DNAH2: variants seen among roughly 807,000 people sequenced by gnomAD.
DNAH2 encodes the protein axonemal beta dynein heavy chain 2.
In DNAH2, 323 loss-of-function variants were observed where a neutral mutation model predicts 523.5. The ratio of observed to expected loss-of-function variants is 0.62; its 90% CI spans 0.56 to 0.68. The LOEUF (loss-of-function observed/expected upper bound fraction) is 0.68, where lower values mean the gene tolerates loss of function less well. Among genes scored for constraint, DNAH2 ranks in the 30% least tolerant of loss-of-function variants. The pLI is 0.00. For synonymous variants in DNAH2, 2,093 were observed against 2,177.4 expected (o/e 0.96, Z 1.08); for missense variants, 4,907 against 5,701.5 (o/e 0.86, Z 4.49).
At chr17:7,746,124 G>A (rs1212891564) in intron 12 of DNAH2, among the ~76,000 whole-genome samples, 1 of 152,184 alleles carries the variant, frequency 6.6e-6, no homozygotes, top group East Asian at 1.9e-4. Context: ...CATAAAACTT[G>A]ATGAAGATAG....
At chr17:7,782,858 C>T (rs2076637386) in intron 39 of DNAH2, among the ~76,000 whole-genome samples, 1 of 48,226 alleles carries the variant, frequency 2.1e-5, no homozygotes, top group South Asian at 8.7e-4. Context: ...ACTACTTTCT[C>T]CAAAAGCTAC....
Position 7,780,498 on chromosome 17 carries a change from A to G in DNAH2, c.5851-132A>G, listed in dbSNP as rs2076573803. The G allele has an allele frequency of 2.1e-6, 3 of 1,426,126 alleles. No individual in the cohort carries two copies. Among genetic ancestry groups the G allele is most frequent in the South Asian group, 1.3e-5 (1 of 78,676 alleles). The allele number at this position is 1,426,126 out of a possible 1,614,324, so 88.3% of individuals were successfully genotyped here. A position where few individuals can be genotyped will look rare whatever the true frequency, so the allele number is the denominator to read the frequency against. Reference sequence around the variant, plus strand: ...ATGGCGTCATTCACACAATTTCCTCAGGAGAATCCATAGAGTGCCTCCTAG... The same window carrying G: ...ATGGCGTCATTCACACAATTTCCTCGGGAGAATCCATAGAGTGCCTCCTAG... On this transcript the variant is annotated intron_variant, in intron 37 of 85. Coordinates refer to ENST00000572933, the MANE Select transcript of DNAH2 (RefSeq NM_020877.5). This position sits in a 1 kb window ranked among gnomAD's most constrained non-coding sequence, Gnocchi z 4.4.
In DNAH2 at chr17:7,734,189, G is replaced by A. The variant is rs377587916; in HGVS notation, c.635G>A (p.Arg212Gln). 124 of 1,591,886 alleles carry A rather than the reference G, an allele frequency of 7.8e-5. No homozygotes were observed. The South Asian group carries it at 1.2e-3, about 15-fold the overall frequency. ...CAAACTTTCCTTTCCTTAGACACTC[G>A]GTACAAACTGGAGGGGCACACGGTC... ...HKFLACLTDT[R>Q]YKLEGHTVLY... The change falls in exon 6 of 86, where the codon CGG becomes CAG. Residue 212 changes from arginine to glutamine, a missense_variant. Arg to Gln is a conservative substitution (Grantham distance 43). Around this residue, in one of 3 missense-constraint regions of DNAH2, gnomAD observed 2,806 missense variants for 3,190.8 expected, o/e 0.88. Coordinates refer to ENST00000572933, the MANE Select transcript of DNAH2 (RefSeq NM_020877.5).
At position 7,771,453 on chromosome 17, in the gene DNAH2, A is replaced by G; in HGVS notation, c.4486A>G (p.Ser1496Gly). 1.2e-6 allele frequency: 2 copies of G among 1,613,882 alleles called. No individual in the cohort carries two copies. Among genetic ancestry groups the G allele is most frequent in the Non-Finnish European group, 1.7e-6 (2 of 1,179,862 alleles). Reference sequence around the variant, plus strand: ...GAACAAGGACAACAATGCTCTCCGGAGCACCCATCACCCAGGTCAGAGCTC... The same window carrying G: ...GAACAAGGACAACAATGCTCTCCGGGGCACCCATCACCCAGGTCAGAGCTC... ...RMNKDNNALRSTHHPGLLDTL... is the reference protein window; with the variant it reads ...RMNKDNNALRGTHHPGLLDTL... The change falls in exon 28 of 86, where the codon AGC (serine) becomes GGC (glycine). Residue 1496 changes from serine to glycine, a missense_variant. Ser to Gly is a moderately conservative substitution (Grantham distance 56). Around this residue, in one of 3 missense-constraint regions of DNAH2, gnomAD observed 2,806 missense variants for 3,190.8 expected, o/e 0.88. Transcript: ENST00000572933.
intron 21 of DNAH2, 74 bp from the exon 22 acceptor site, chr17:7,766,244 A>G (rs1038867571): frequency 4.6e-6 from 7 of 1,523,664 alleles, no homozygotes; most frequent in Non-Finnish European, 5.4e-6. Context: ...TTTGCCCACA[A>G]AGAGATAGGA....
chr17:7,764,206 C>T lies in DNAH2; in HGVS notation c.3269C>T (p.Thr1090Ile). 1 of 1,614,100 alleles carries T rather than the reference C, an allele frequency of 6.2e-7. No individual in the cohort carries two copies. Reference sequence around the variant, plus strand: ...AAGCACGACTTGGCCAACGTGGAGACTCAGATCCCTCCCATACACGAGCAA... The same window carrying T: ...AAGCACGACTTGGCCAACGTGGAGATTCAGATCCCTCCCATACACGAGCAA... Reference protein sequence around the residue: ...ALKHDLANVETQIPPIHEQFA... With the variant: ...ALKHDLANVEIQIPPIHEQFA... The change falls in exon 20 of 86, where the codon ACT becomes ATT. Residue 1090 changes from threonine to isoleucine, a missense_variant. By Grantham distance (89) the Thr-to-Ile change is moderately conservative. Around this residue, in one of 3 missense-constraint regions of DNAH2, gnomAD observed 2,806 missense variants for 3,190.8 expected, o/e 0.88. Transcript: ENST00000572933.
At position 7,764,782 on chromosome 17, in the gene DNAH2, C is replaced by CTT. The variant is rs59188289; in HGVS notation, c.3336+530_3336+531dup. ...CAGCTGGATTTACTTACTGTATTTA[C>CTT]TTTTTTTTTTTTTTTTTTTTTTGGT... On this transcript the variant is annotated intron_variant, in intron 20 of 85. Transcript: ENST00000572933. Among the ~76,000 whole-genome samples, 328 of 49,464 alleles carry CTT rather than the reference C, an allele frequency of 6.6e-3. 5 individuals are homozygous for CTT. Among genetic ancestry groups the CTT allele is most frequent in the African/African-American group, 0.019 (209 of 11,104 alleles). 32.5% of individuals were successfully genotyped at this position (49,464 alleles called of 152,430 possible). A position where few individuals can be genotyped will look rare whatever the true frequency, so the allele number is the denominator to read the frequency against.
chr17:7,726,532 A>C (rs1194139289), intron 3 of DNAH2, among the ~76,000 whole-genome samples: 7 of 151,952 alleles, frequency 4.6e-5, no homozygotes, highest in Non-Finnish European at 1.0e-4. Flanking sequence ...CGAACTCCCG[A>C]CCTCAGGTGA....
chr17:7,761,294 T>G (rs543755043), intron 18 of DNAH2, among the ~76,000 whole-genome samples: 27 of 152,268 alleles, frequency 1.8e-4, no homozygotes, highest in South Asian at 8.3e-4. Flanking sequence ...AGACAGGATC[T>G]TGCTCTGTCA....
Position 7,798,263 on chromosome 17 carries a change from C to T in DNAH2, c.8337C>T (p.Cys2779=), listed in dbSNP as rs765523944. 29 of 1,613,732 alleles carry T rather than the reference C, an allele frequency of 1.8e-5. No individual in the cohort carries two copies. The highest frequency in any genetic ancestry group is 9.3e-5 in the African/African-American group (7 of 74,900). Residue 2779 remains cysteine, a synonymous_variant, in exon 54 of 86, where the codon TGC becomes TGT. Transcript: ENST00000572933. This position sits in a 1 kb window ranked among gnomAD's most constrained non-coding sequence, Gnocchi z 5.5. ...QSLARLASSI[C]DYTTFQIEVT... ...TGGCCCGCCTGGCTTCATCCATCTG[C>T]GACTACACCACCTTCCAGATCGAGG...
intron 64 of DNAH2, among the ~76,000 whole-genome samples, 197 bp from the exon 65 acceptor site, chr17:7,817,093 G>A (rs962158668): frequency 1.3e-5 from 2 of 152,214 alleles, no homozygotes; most frequent in Non-Finnish European, 2.9e-5. Context: ...TCACCAGAAT[G>A]TAAACATTGC....
Position 7,777,547 on chromosome 17 carries a change from G to A in DNAH2, c.5160G>A (p.Arg1720=), listed in dbSNP as rs2151238085. 1 of 1,614,156 alleles carries A rather than the reference G, an allele frequency of 6.2e-7. No homozygotes were observed. The highest frequency in any genetic ancestry group is 8.5e-7 in the Non-Finnish European group (1 of 1,180,026). The change falls in exon 33 of 86, where the codon CGG becomes CGA. Residue 1720 remains arginine, a synonymous_variant. Coordinates refer to ENST00000572933, the MANE Select transcript of DNAH2 (RefSeq NM_020877.5). ...TGGTGACGATAGAAATTCATGCCCG[G>A]GATGTGTTGGAGAAGCTTTACAAGA... is the stretch of plus-strand genomic sequence containing the variant. ...VALVTIEIHA[R]DVLEKLYKSG...
At chr17:7,805,541 T>A (rs2077346368) in intron 61 of DNAH2, 148 bp downstream of exon 61, 1 of 1,218,802 alleles carries the variant, frequency 8.2e-7, no homozygotes, top group South Asian at 1.5e-5. Flanking sequence ...GGAGACCGCA[T>A]GAATATCAGT....
intron 2 of DNAH2, among the ~76,000 whole-genome samples, chr17:7,722,451 C>G (rs1265260377): frequency 6.6e-6 from 1 of 152,140 alleles, no homozygotes; most frequent in African/African-American, 2.4e-5. Flanking sequence ...TTTATCCCGC[C>G]AAAAGAAAGC....
rs370136085 is a variant in DNAH2 at position 7,741,228 on chromosome 17, T to TTC, written c.1689+246_1689+247dup. Reference sequence around the variant, plus strand: ...TCTTTTCTTCCTTCCTTTCTTTTTTTTCTCTCTCTCTTTCTTTCTTTCTTT... The same window carrying TTC: ...TCTTTTCTTCCTTCCTTTCTTTTTTTTCTCTCTCTCTCTTTCTTTCTTTCTTT... On this transcript the variant is annotated intron_variant, in intron 11 of 85. Coordinates refer to ENST00000572933, the MANE Select transcript of DNAH2 (RefSeq NM_020877.5). Among the ~76,000 whole-genome samples the TTC allele has an allele frequency of 1.8e-3, 260 of 141,142 alleles. 3 individuals are homozygous for TTC. Among genetic ancestry groups the TTC allele is most frequent in the African/African-American group, 6.4e-3 (246 of 38,184 alleles). The allele number at this position is 141,142 out of a possible 152,430, so 92.6% of individuals were successfully genotyped here. A position where few individuals can be genotyped will look rare whatever the true frequency, so the allele number is the denominator to read the frequency against.
chr17:7,774,951 A>G lies in DNAH2; in HGVS notation c.4694A>G (p.Asn1565Ser). Residue 1565 changes from asparagine (N) to serine (S), a missense_variant, in exon 29 of 86, where the codon AAC (asparagine) becomes AGC (serine). Asn to Ser is a conservative substitution (Grantham distance 46). Around this residue, in one of 3 missense-constraint regions of DNAH2, gnomAD observed 2,806 missense variants for 3,190.8 expected, o/e 0.88. Coordinates refer to ENST00000572933, the MANE Select transcript of DNAH2 (RefSeq NM_020877.5). ...VQPHLKKCFD[N>S]IKLLRIQKVG... ...CCACACCTCAAAAAATGCTTTGACA[A>G]CATCAAGTTGCTGAGAATCCAGAAG... is the stretch of plus-strand genomic sequence containing the variant. 1 of 1,614,064 alleles carries G rather than the reference A, an allele frequency of 6.2e-7. No individual in the cohort carries two copies. Among genetic ancestry groups the G allele is most frequent in the Non-Finnish European group, 8.5e-7 (1 of 1,180,044 alleles).
At position 7,831,010 on chromosome 17, in the gene DNAH2, A is replaced by C; in HGVS notation, c.12231-76A>C. ...AGGGAGCTGGACAAATTGGACATGC[A>C]TAGGTTTGGGGTCTTGGCCTGGCAT... is the stretch of plus-strand genomic sequence containing the variant. On this transcript the variant is annotated intron_variant, in intron 79 of 85. Transcript: ENST00000572933. The surrounding 1 kb of genome is among the most constrained non-coding windows in gnomAD (Gnocchi z 4.2). The C allele has an allele frequency of 2.0e-6, 3 of 1,528,020 alleles. No homozygotes were observed. Among genetic ancestry groups the C allele is most frequent in the Non-Finnish European group, 2.7e-6 (3 of 1,117,308 alleles). 94.7% of individuals were successfully genotyped at this position (1,528,020 alleles called of 1,614,324 possible).
At chr17:7,769,642 T>C (rs2076262660) in intron 24 of DNAH2, among the ~76,000 whole-genome samples, 1 of 152,240 alleles carries the variant, frequency 6.6e-6, no homozygotes, top group African/African-American at 2.4e-5. Context: ...TTAACTCTTT[T>C]AATTCATCTG....
rs307623 is a variant in DNAH2 at position 7,754,004 on chromosome 17, G to A, written c.1905-3087G>A. 0.76 allele frequency among the ~76,000 whole-genome samples: 115,160 copies of A among 151,686 alleles called. 44,742 individuals are homozygous for A. Among genetic ancestry groups the A allele is most frequent in the East Asian group, 1 (5,107 of 5,120 alleles). ...GATCAAGGAGGATAAGGCCTGGGAAGCATCCATGGGGTGGAGTGCTAGGGG... is the reference window on the plus strand; with the variant it reads ...GATCAAGGAGGATAAGGCCTGGGAAACATCCATGGGGTGGAGTGCTAGGGG... On this transcript the variant is annotated intron_variant, in intron 12 of 85. Coordinates refer to ENST00000572933, the MANE Select transcript of DNAH2 (RefSeq NM_020877.5). The surrounding 1 kb of genome is among the most constrained non-coding windows in gnomAD (Gnocchi z 4.6).
Sources: allele counts gnomAD v4.1 joint callset (sites outside exome capture counted in the v4.1 genomes callset), GRCh38; gene constraint gnomAD v4.1.1; regional missense constraint gnomAD v4.1.1; non-coding constraint Gnocchi (gnomAD v3.1); transcripts MANE v1.5; gene names NCBI Gene and HGNC (gene_info 2026-07-23, HGNC 2026-07-21).